Variants in ABHD6 observed in about 807,000 individuals in gnomAD.
ABHD6 encodes abhydrolase domain containing 6, acylglycerol lipase.
Under a neutral mutation model 38.8 loss-of-function variants are expected in ABHD6, and 33 were observed. The observed-to-expected ratio is 0.85, with a 90% CI of 0.64 to 1.14. The LOEUF (loss-of-function observed/expected upper bound fraction) is 1.14. Ranked by LOEUF, ABHD6 falls within the 50% of genes most tolerant of loss-of-function variation. The probability of loss-of-function intolerance (pLI) is 0.00; values close to 1 mark genes in which losing one functional copy is unlikely to be tolerated. For synonymous variants in ABHD6, 147 were observed against 161.6 expected (o/e 0.91, Z 0.69); for missense variants, 380 against 422.6 (o/e 0.90, Z 0.88).
chr3:58,260,202 GCAGAGCATT>G (rs1490642172), intron 3 of ABHD6, among the ~76,000 whole-genome samples: 3 of 152,204 alleles, frequency 2.0e-5, no homozygotes, highest in African/African-American at 7.2e-5. Context: ...GCCCCACAGT[GCAGAGCATT>G]CAGAGCCTCT....
intron 9 of ABHD6, among the ~76,000 whole-genome samples, chr3:58,290,347 A>AC (rs1304009689): frequency 1.2e-5 from 1 of 81,880 alleles, no homozygotes; most frequent in Non-Finnish European, 2.4e-5. Flanking sequence ...GCGGGGGCTG[A>AC]CCCCCCACCT....
At chr3:58,283,981 C>T (rs1385797897) in intron 7 of ABHD6, among the ~76,000 whole-genome samples, 1 of 152,160 alleles carries the variant, frequency 6.6e-6, no homozygotes, top group Non-Finnish European at 1.5e-5. Context: ...GCAGCCATGG[C>T]TGGTTCTTCC....
Position 58,294,082 on chromosome 3 carries a change from A to C in ABHD6, c.*317A>C. ...AGCAGCCACCTTGGACCATAATTAA[A>C]TCAAGGACATTTTCTTTGAGACATT... is the stretch of plus-strand genomic sequence containing the variant. On this transcript the variant is annotated 3_prime_UTR_variant, in exon 10 of 10. Coordinates refer to ENST00000478253, the MANE Select transcript of ABHD6 (RefSeq NM_001320126.2). 2.2e-5 allele frequency: 5 copies of C among 222,644 alleles called. No homozygotes were observed. Among genetic ancestry groups the C allele is most frequent in the East Asian group, 9.9e-5 (1 of 10,052 alleles). The allele number at this position is 222,644 out of a possible 1,614,324, so 13.8% of individuals were successfully genotyped here. A position where few individuals can be genotyped will look rare whatever the true frequency, so the allele number is the denominator to read the frequency against.
At position 58,251,653 on chromosome 3, in the gene ABHD6, G is replaced by A. The variant is rs907472925; in HGVS notation, c.-26+1711G>A. Among the ~76,000 whole-genome samples, 11 of 152,168 alleles carry A rather than the reference G, an allele frequency of 7.2e-5. No individual in the cohort carries two copies. Among genetic ancestry groups the A allele is most frequent in the African/African-American group, 2.7e-4 (11 of 41,436 alleles). ...CCCAAATGCACAGCTTGGGTGTTGAGCAGTGGCAGAGGATCCTGAGCCTGG... is the reference window on the plus strand; with the variant it reads ...CCCAAATGCACAGCTTGGGTGTTGAACAGTGGCAGAGGATCCTGAGCCTGG... On this transcript the variant is annotated intron_variant, in intron 2 of 9. Coordinates refer to ENST00000478253, the MANE Select transcript of ABHD6 (RefSeq NM_001320126.2). The surrounding 1 kb of genome is among the most constrained non-coding windows in gnomAD (Gnocchi z 5.4).
In ABHD6 at chr3:58,274,681, C is replaced by G. The variant is rs1462474774; in HGVS notation, c.547C>G (p.Gln183Glu). Residue 183 changes from glutamine (Q) to glutamate (E), a missense_variant, in exon 7 of 10, where the codon CAA becomes GAA. Coordinates refer to ENST00000478253, the MANE Select transcript of ABHD6 (RefSeq NM_001320126.2). Reference protein sequence around the residue: ...PAGLQYSTDNQFVQRLKELQG... With the variant: ...PAGLQYSTDNEFVQRLKELQG... ...AGGCCTGCAGTACTCAACTGACAAT[C>G]AATTTGTACAACGGCTCAAAGAACT... The G allele has an allele frequency of 1.2e-6, 2 of 1,614,088 alleles. No homozygotes were observed. Among genetic ancestry groups the G allele is most frequent in the African/African-American group, 2.7e-5 (2 of 74,942 alleles).
chr3:58,258,448 C>A, intron 3 of ABHD6: 1 of 369,480 alleles, frequency 2.7e-6, no homozygotes, highest in Non-Finnish European at 5.6e-6. Context: ...GAGCCTTTCT[C>A]CTTGTTGGAA....
At chr3:58,282,775 T>C (rs2097454289) in intron 7 of ABHD6, among the ~76,000 whole-genome samples, 1 of 152,052 alleles carries the variant, frequency 6.6e-6, no homozygotes, top group Admixed American at 6.6e-5. Flanking sequence ...GGTAGTATAT[T>C]CTGAAGAGTA....
chr3:58,281,922 C>A (rs1200301205), intron 7 of ABHD6, among the ~76,000 whole-genome samples: 5 of 152,064 alleles, frequency 3.3e-5, no homozygotes, highest in African/African-American at 1.2e-4. Context: ...TCAAGACCAG[C>A]CTGGTCAACG....
intron 4 of ABHD6, among the ~76,000 whole-genome samples, chr3:58,268,496 G>A (rs1205306197): frequency 6.6e-6 from 1 of 152,192 alleles, no homozygotes; most frequent in African/African-American, 2.4e-5. Flanking sequence ...GTGATCAGGT[G>A]TGAAGGTTGG....
chr3:58,241,150 A>C (rs1256633165), intron 1 of ABHD6, among the ~76,000 whole-genome samples: 1 of 152,200 alleles, frequency 6.6e-6, no homozygotes, highest in African/African-American at 2.4e-5. Context: ...ACGGTGCCAC[A>C]ACAAAGAATT....
chr3:58,255,077 G>C (rs1343056976), intron 2 of ABHD6, among the ~76,000 whole-genome samples: 2 of 152,110 alleles, frequency 1.3e-5, no homozygotes, highest in African/African-American at 4.8e-5. Context: ...AGACAGGACA[G>C]GGCAGGGCCT....
chr3:58,264,782 G>T (rs139043593), intron 3 of ABHD6, among the ~76,000 whole-genome samples: 132 of 152,132 alleles, frequency 8.7e-4, no homozygotes, highest in Admixed American at 4.2e-3. Context: ...AATTTGGGGG[G>T]TACATAGTAG....
chr3:58,277,017 C>G (rs1021124377), intron 7 of ABHD6, among the ~76,000 whole-genome samples: 5 of 152,146 alleles, frequency 3.3e-5, no homozygotes, highest in Admixed American at 3.3e-4. Context: ...ATTACTGTAG[C>G]CTTGTAGTAT....
chr3:58,248,151 C>T (rs67990985), intron 1 of ABHD6, among the ~76,000 whole-genome samples: 28,357 of 151,918 alleles, frequency 0.19, 4,320 homozygotes, highest in East Asian at 0.79. Flanking sequence ...AGTTAATGTA[C>T]CTTGGAGGTC....
rs1456582332 is a variant in ABHD6 at position 58,285,957 on chromosome 3, C to A, written c.837+504C>A. On this transcript the variant is annotated intron_variant, in intron 9 of 9. Transcript: ENST00000478253. This position sits in a 1 kb window ranked among gnomAD's most constrained non-coding sequence, Gnocchi z 4.9. The stretch of plus-strand genomic sequence containing the variant: ...GGTTCAAGCGATTCTCCTGCCTCAG[C>A]CTCCCAAGTAGCTGGGATTACAGGT... 1.3e-5 allele frequency among the ~76,000 whole-genome samples: 2 copies of A among 151,488 alleles called. No homozygotes were observed. Among genetic ancestry groups the A allele is most frequent in the Non-Finnish European group, 2.9e-5 (2 of 67,928 alleles).
At chr3:58,268,989 G>A (rs1283760428) in intron 4 of ABHD6, among the ~76,000 whole-genome samples, 1 of 152,190 alleles carries the variant, frequency 6.6e-6, no homozygotes, top group Admixed American at 6.5e-5. Context: ...TGGAGTAAGT[G>A]TGGAAGGGGT....
Position 58,293,635 on chromosome 3 carries a change from A to C in ABHD6, c.884A>C (p.Asn295Thr). 1 of 1,614,172 alleles carries C rather than the reference A, an allele frequency of 6.2e-7. No homozygotes were observed. Among genetic ancestry groups the C allele is most frequent in the East Asian group, 2.2e-5 (1 of 44,884 alleles). Residue 295 changes from asparagine (N) to threonine (T), a missense_variant, in exon 10 of 10, where the codon AAC becomes ACC. Transcript: ENST00000478253. This position sits in a 1 kb window ranked among gnomAD's most constrained non-coding sequence, Gnocchi z 4.4. ...GACATGTTGGCCAAGTCAATTGCCA[A>C]CTGCCAGGTGGAGCTTCTGGAAAAC... ...GADMLAKSIANCQVELLENCG... is the reference protein window; with the variant it reads ...GADMLAKSIATCQVELLENCG...
rs138372642 is a variant in ABHD6, at chr3:58,244,027, T to C, written c.-90-5851T>C. Among the ~76,000 whole-genome samples, 383 of 152,344 alleles carry C rather than the reference T, an allele frequency of 2.5e-3. 2 individuals carry two copies. Among genetic ancestry groups the C allele is most frequent in the Admixed American group, 0.022 (331 of 15,300 alleles). On this transcript the variant is annotated intron_variant, in intron 1 of 9. Transcript: ENST00000478253. Reference sequence around the variant, plus strand: ...TGCCATGTGCAAAGTTAAGTCCTACTTCATCATCTATCCCTCTGTTTTCAA... The same window carrying C: ...TGCCATGTGCAAAGTTAAGTCCTACCTCATCATCTATCCCTCTGTTTTCAA...
chr3:58,286,850 G>GCATATATATATA (rs1553721726), intron 9 of ABHD6, among the ~76,000 whole-genome samples: 1 of 72,826 alleles, frequency 1.4e-5, no homozygotes, highest in African/African-American at 4.7e-5. Context: ...GTGTGTGTGT[G>GCATATATATATA]TGTATATATA....
Sources: allele counts gnomAD v4.1 joint callset (sites outside exome capture counted in the v4.1 genomes callset), GRCh38; gene constraint gnomAD v4.1.1; non-coding constraint Gnocchi (gnomAD v3.1); transcripts MANE v1.5; gene names NCBI Gene and HGNC (gene_info 2026-07-23, HGNC 2026-07-21).